Variants in HHLA1 observed in about 807,000 individuals in gnomAD.
HHLA1 encodes HERV-H LTR-associating protein 1.
A neutral mutation model predicts 69.9 loss-of-function variants in HHLA1; 72 were observed. The ratio of observed to expected loss-of-function variants is 1.03; its 90% CI spans 0.85 to 1.25. The LOEUF is 1.25. Among genes scored for constraint, HHLA1 ranks in the 50% most tolerant of loss-of-function variants. The pLI is 0.00. For missense variants in HHLA1, 685 were observed against 642.2 expected, an observed-to-expected ratio of 1.07 and a Z score of -0.72; for synonymous variants, 252 against 233.2, an observed-to-expected ratio of 1.08 and a Z score of -0.73.
chr8:132,107,054 C>A (rs2130902776), intron 1 of HHLA1, among the ~76,000 whole-genome samples: 1 of 152,270 alleles, frequency 6.6e-6, no homozygotes, highest in East Asian at 1.9e-4. Context: ...TATTAGGAAT[C>A]TTAATTTCTT....
chr8:132,095,396 A>G, intron 7 of HHLA1, 123 bp downstream of exon 7: 1 of 564,162 alleles, frequency 1.8e-6, no homozygotes, highest in South Asian at 2.9e-5. Context: ...GAATGAGCAC[A>G]TGGTTAAGGG....
intron 16 of HHLA1, 45 bp from the exon 17 acceptor site, chr8:132,064,083 TA>T: frequency 8.3e-7 from 1 of 1,210,256 alleles, no homozygotes; most frequent in Non-Finnish European, 1.1e-6. Flanking sequence ...TACTGAGATA[TA>T]AACACTGTAG....
At chr8:132,088,439 C>T (rs1175989351) in intron 8 of HHLA1, among the ~76,000 whole-genome samples, 10 of 152,184 alleles carry the variant, frequency 6.6e-5, no homozygotes, top group Admixed American at 4.6e-4. Flanking sequence ...GGAGAAGTTA[C>T]ATCAGGTAGG....
chr8:132,101,286 T>G (rs746970518), intron 3 of HHLA1: 1 of 1,549,698 alleles, frequency 6.5e-7, no homozygotes, highest in Non-Finnish European at 8.7e-7. Flanking sequence ...GAAATAAAAG[T>G]TTTCATGAAT....
At chr8:132,076,933 A>AC (rs759271355) in intron 12 of HHLA1, among the ~76,000 whole-genome samples, 1 of 151,378 alleles carries the variant, frequency 6.6e-6, no homozygotes, top group Admixed American at 6.6e-5. Flanking sequence ...GATCCATCCC[A>AC]CCCCCGACAA....
chr8:132,076,402 G>A (rs568557611), intron 13 of HHLA1, 73 bp downstream of exon 13: 27 of 992,244 alleles, frequency 2.7e-5, no homozygotes, highest in South Asian at 2.5e-4. Flanking sequence ...ATCCCACCAC[G>A]CCCTTGTCCC....
intron 15 of HHLA1, among the ~76,000 whole-genome samples, chr8:132,066,997 T>C (rs561533509): frequency 6.6e-6 from 1 of 152,206 alleles, no homozygotes. Context: ...GATGAATCAG[T>C]GATAAAGGGC....
At chr8:132,108,852 G>A (rs576759643) in intron 1 of HHLA1, among the ~76,000 whole-genome samples, 1 of 152,132 alleles carries the variant, frequency 6.6e-6, no homozygotes, top group East Asian at 1.9e-4. Flanking sequence ...AGCATCCATT[G>A]GTTTCCCCAT....
chr8:132,106,804 G>A (rs1354890195), intron 1 of HHLA1, among the ~76,000 whole-genome samples: 1 of 152,184 alleles, frequency 6.6e-6, no homozygotes, highest in South Asian at 2.1e-4. Context: ...GTGAGCACCT[G>A]GTGAAGCCAG....
At chr8:132,066,706 C>T (rs1823446248) in intron 15 of HHLA1, among the ~76,000 whole-genome samples, 1 of 152,118 alleles carries the variant, frequency 6.6e-6, no homozygotes, top group African/African-American at 2.4e-5. Flanking sequence ...TCTAGCACAC[C>T]CTAGAGAGTT....
chr8:132,094,316 C>T (rs1823988021), intron 7 of HHLA1, among the ~76,000 whole-genome samples: 1 of 152,294 alleles, frequency 6.6e-6, no homozygotes, highest in South Asian at 2.1e-4. Context: ...AGATCATGTC[C>T]CTTCCCTGTG....
rs1484556273 is a variant in HHLA1 at position 132,088,357 on chromosome 8, T to C, written c.533-456A>G. Among the ~76,000 whole-genome samples the C allele has an allele frequency of 3.9e-5, 6 of 152,342 alleles. No individual in the cohort carries two copies. The South Asian group carries it at 6.2e-4, about 16-fold the overall frequency. ...GATAGTTTTTATCTATCCTACTTAGTGTAAAGAGCTGAACGTTTTACCAAA... is the reference window on the plus strand; with the variant it reads ...GATAGTTTTTATCTATCCTACTTAGCGTAAAGAGCTGAACGTTTTACCAAA... On this transcript the variant is annotated intron_variant, in intron 8 of 16. Coordinates refer to ENST00000414222, the MANE Select transcript of HHLA1 (RefSeq NM_001145095.3).
chr8:132,096,863 G>A (rs1824033786), intron 5 of HHLA1, among the ~76,000 whole-genome samples: 1 of 152,142 alleles, frequency 6.6e-6, no homozygotes, highest in African/African-American at 2.4e-5. Context: ...AGGCTGGAAT[G>A]CAATCGTGCA....
chr8:132,099,504 T>A (rs1824080006), intron 4 of HHLA1, among the ~76,000 whole-genome samples: 1 of 151,920 alleles, frequency 6.6e-6, no homozygotes, highest in Non-Finnish European at 1.5e-5. Context: ...GTAGCAGGAG[T>A]GGCAGTGTGC....
chr8:132,103,066 G>A (rs962642728), intron 3 of HHLA1, among the ~76,000 whole-genome samples: 6 of 152,104 alleles, frequency 3.9e-5, no homozygotes, highest in African/African-American at 1.4e-4. Context: ...ACTTCTTAAT[G>A]CTTAGTATTT....
intron 11 of HHLA1, among the ~76,000 whole-genome samples, chr8:132,078,503 A>T (rs1337448840): frequency 1.3e-5 from 2 of 152,200 alleles, no homozygotes; most frequent in African/African-American, 4.8e-5. Flanking sequence ...TCCTTGGCTC[A>T]TGCTATTTAA....
In HHLA1 at chr8:132,063,133, G is replaced by A. The variant is rs1454451305; in HGVS notation, c.*862C>T. On this transcript the variant is annotated 3_prime_UTR_variant, in exon 17 of 17. Transcript: ENST00000414222. ...ACGTGTTGTTAAACATTATTTCTGG[G>A]AGGATTAGATGCTGACTGTGCAACC... 1 of 152,272 alleles carries A rather than the reference G, an allele frequency of 6.6e-6. No individual in the cohort carries two copies. The highest frequency in any genetic ancestry group is 1.5e-5 in the Non-Finnish European group (1 of 68,086). 9.4% of individuals were successfully genotyped at this position (152,272 alleles called of 1,614,324 possible). A position where few individuals can be genotyped will look rare whatever the true frequency, so the allele number is the denominator to read the frequency against.
chr8:132,095,481 T>C (rs780025963), intron 7 of HHLA1, 38 bp downstream of exon 7: 13 of 1,375,432 alleles, frequency 9.5e-6, no homozygotes, highest in African/African-American at 1.5e-5. Flanking sequence ...ACAAGCAAAA[T>C]TGGAAAAGCT....
intron 15 of HHLA1, among the ~76,000 whole-genome samples, chr8:132,069,257 T>G (rs1441552648): frequency 6.6e-6 from 1 of 152,228 alleles, no homozygotes; most frequent in Non-Finnish European, 1.5e-5. Context: ...CTATTAGTTA[T>G]TTCTCCTGGG....
Sources: allele counts gnomAD v4.1 joint callset (sites outside exome capture counted in the v4.1 genomes callset), GRCh38; gene constraint gnomAD v4.1.1; transcripts MANE v1.5; gene names NCBI Gene and HGNC (gene_info 2026-07-23, HGNC 2026-07-21).